The following GEN1 variants were observed in gnomAD, a reference collection of about 807,000 sequenced individuals.
The protein encoded by GEN1 is GEN1 structure-specific endonuclease, also known as flap endonuclease GEN homolog 1.
In GEN1, 64 loss-of-function variants were observed where a neutral mutation model predicts 67.6. The ratio of observed to expected loss-of-function variants is 0.95; its 90% CI spans 0.77 to 1.17. The LOEUF (loss-of-function observed/expected upper bound fraction) is 1.17. Among genes scored for constraint, GEN1 ranks in the 50% most tolerant of loss-of-function variants. The pLI is 0.00. For missense variants in GEN1, 1,058 were observed against 1,048.3 expected, an observed-to-expected ratio of 1.01 and a Z score of -0.13; for synonymous variants, 371 against 359.4, an observed-to-expected ratio of 1.03 and a Z score of -0.37.
chr2:17,760,543 T>A (rs1671626604), intron 2 of GEN1, among the ~76,000 whole-genome samples: 1 of 152,248 alleles, frequency 6.6e-6, no homozygotes, highest in African/African-American at 2.4e-5. Context: ...CCATCTTCAC[T>A]AGTTTCTTGC....
At chr2:17,772,897 TA>T in intron 8 of GEN1, 113 bp downstream of exon 8, 1 of 1,092,560 alleles carries the variant, frequency 9.2e-7, no homozygotes, top group Non-Finnish European at 1.3e-6. Flanking sequence ...CATGTTTAAC[TA>T]AATTTTTTTT....
At chr2:17,773,855 TAA>T (rs1207818024) in intron 10 of GEN1, among the ~76,000 whole-genome samples, 1 of 152,126 alleles carries the variant, frequency 6.6e-6, no homozygotes, top group Non-Finnish European at 1.5e-5. Context: ...GTACCAGCTG[TAA>T]GTAATGACAG....
At chr2:17,779,894 A>G (rs1672744580) in intron 12 of GEN1, 84 bp from the exon 13 acceptor site, 1 of 1,109,134 alleles carries the variant, frequency 9.0e-7, no homozygotes, top group Admixed American at 2.2e-5. Flanking sequence ...TGCTGGGATT[A>G]CAGGTGTGAG....
chr2:17,773,385 G>T, intron 10 of GEN1, 86 bp downstream of exon 10: 1 of 784,556 alleles, frequency 1.3e-6, no homozygotes. Flanking sequence ...GGTCTTAGAG[G>T]AGGTTTAAAA....
In GEN1 at chr2:17,786,233, T is replaced by C. The variant is rs534928072; in HGVS notation, c.*4294T>C. The C allele has an allele frequency of 1.3e-5, 2 of 152,324 alleles. No individual in the cohort carries two copies. Among genetic ancestry groups the C allele is most frequent in the East Asian group, 3.9e-4 (2 of 5,190 alleles). The allele number at this position is 152,324 out of a possible 1,614,324, so 9.4% of individuals were successfully genotyped here. ...TAAATTGTAGCTGTGTCCGATACCA[T>C]CATTTGGAAAGAGCACTATCAGATT... On this transcript the variant is annotated 3_prime_UTR_variant, in exon 14 of 14. Transcript: ENST00000381254.
chr2:17,756,114 T>C (rs900463167), intron 1 of GEN1, among the ~76,000 whole-genome samples: 1 of 152,186 alleles, frequency 6.6e-6, no homozygotes, highest in African/African-American at 2.4e-5. Context: ...AATCTTGTAA[T>C]GCATCTGGTT....
chr2:17,780,832 A>C lies in GEN1; in HGVS notation c.1620A>C (p.Ala540=). ...CTAAAAATACTCCATGTTTGAATGCACAAGAACAGTTCATGTCTTCTCTAA... is the reference window on the plus strand; with the variant it reads ...CTAAAAATACTCCATGTTTGAATGCCCAAGAACAGTTCATGTCTTCTCTAA... ...LLPKNTPCLN[A]QEQFMSSLRP... Residue 540 remains alanine, a synonymous_variant, in exon 14 of 14, where the codon GCA becomes GCC. Transcript: ENST00000381254. The C allele has an allele frequency of 6.2e-7, 1 of 1,614,004 alleles. No individual in the cohort carries two copies. Among genetic ancestry groups the C allele is most frequent in the South Asian group, 1.1e-5 (1 of 91,066 alleles).
intron 3 of GEN1, among the ~76,000 whole-genome samples, chr2:17,764,685 T>C (rs1009565894): frequency 6.6e-6 from 1 of 152,198 alleles, no homozygotes; most frequent in African/African-American, 2.4e-5. Context: ...AATATAATTT[T>C]TATTAGCACA....
At position 17,785,545 on chromosome 2, in the gene GEN1, T is replaced by C. The variant is rs1673029357; in HGVS notation, c.*3606T>C. The C allele has an allele frequency of 6.6e-6, 1 of 151,896 alleles. No individual in the cohort carries two copies. The highest frequency in any genetic ancestry group is 2.4e-5 in the African/African-American group (1 of 41,348). 9.4% of individuals were successfully genotyped at this position (151,896 alleles called of 1,614,324 possible). ...TGCTCTGGCCTAACTGCTTTGGGCT[T>C]TGTGTAATCAATCTTAAGTCCTTGG... On this transcript the variant is annotated 3_prime_UTR_variant, in exon 14 of 14. Coordinates refer to ENST00000381254, the MANE Select transcript of GEN1 (RefSeq NM_001130009.3).
At chr2:17,765,437 G>A (rs556476887) in intron 4 of GEN1, among the ~76,000 whole-genome samples, 1 of 152,330 alleles carries the variant, frequency 6.6e-6, no homozygotes, top group South Asian at 2.1e-4. Flanking sequence ...GTTCAATGTA[G>A]CATTGTTAAT....
chr2:17,781,257 T>TA lies in GEN1; in HGVS notation c.2046dup (p.Ser683IlefsTer6), dbSNP rs1672817167. ...TTAAAGGAACGAATATTTACAAAAT[T>TA]ATCATATCCTCAGGATAATCTACAA... On this transcript the variant is annotated frameshift_variant, in exon 14 of 14. Coordinates refer to ENST00000381254, the MANE Select transcript of GEN1 (RefSeq NM_001130009.3). LOFTEE classifies it low-confidence loss of function (END_TRUNC). 1 of 1,613,482 alleles carries TA rather than the reference T, an allele frequency of 6.2e-7. No individual in the cohort carries two copies.
Position 17,762,129 on chromosome 2 carries a change from TAAG to T in GEN1, c.348+550_348+552del, listed in dbSNP as rs1268545008. On this transcript the variant is annotated intron_variant, in intron 3 of 13. Transcript: ENST00000381254. The stretch of plus-strand genomic sequence containing the variant: ...CTATATTTTATATTTGTATGAAACT[TAAG>T]AAAGAAATCATCTATAGTATATAAT... Among the ~76,000 whole-genome samples, 8 of 151,292 alleles carry T rather than the reference TAAG, an allele frequency of 5.3e-5. No individual in the cohort carries two copies. The East Asian group carries it at 5.8e-4, about 11-fold the overall frequency.
chr2:17,761,517 G>A lies in GEN1; in HGVS notation c.283G>A (p.Gly95Arg). The A allele has an allele frequency of 6.2e-7, 1 of 1,613,130 alleles. No homozygotes were observed. The highest frequency in any genetic ancestry group is 8.5e-7 in the Non-Finnish European group (1 of 1,179,430). Residue 95 changes from glycine (G) to arginine (R), a missense_variant, in exon 3 of 14, where the codon GGG becomes AGG. Coordinates refer to ENST00000381254, the MANE Select transcript of GEN1 (RefSeq NM_001130009.3). ...VISKRNQSRY[G>R]SSGKSWSQKT... ...AAGCAAGAGGAATCAGTCTCGGTAT[G>A]GGTCTTCTGGAAAATCGTGGTCTCA... is the stretch of plus-strand genomic sequence containing the variant.
upstream of GEN1, chr2:17,753,790 G>A (rs1671234989): frequency 1.3e-5 from 2 of 152,232 alleles, no homozygotes; most frequent in South Asian, 4.1e-4. Flanking sequence ...GGGAGCCCCG[G>A]CGCCCACCGC....
chr2:17,774,060 A>C lies in GEN1; in HGVS notation c.1072-211A>C, dbSNP rs188156039. Reference sequence around the variant, plus strand: ...AAGTAAGTTACCCAACATCTAAGAAATATCATCCTGGCGTTCAAACCGAGA... The same window carrying C: ...AAGTAAGTTACCCAACATCTAAGAACTATCATCCTGGCGTTCAAACCGAGA... On this transcript the variant is annotated intron_variant, in intron 10 of 13. Transcript: ENST00000381254. 5.9e-5 allele frequency among the ~76,000 whole-genome samples: 9 copies of C among 152,246 alleles called. No homozygotes were observed. In the East Asian group the frequency reaches 1.7e-3, roughly 29 times the overall value.
chr2:17,784,073 A>T lies in GEN1; in HGVS notation c.*2134A>T, dbSNP rs1397434540. 1 of 152,222 alleles carries T rather than the reference A, an allele frequency of 6.6e-6. No homozygotes were observed. Among genetic ancestry groups the T allele is most frequent in the Non-Finnish European group, 1.5e-5 (1 of 68,028 alleles). The allele number at this position is 152,222 out of a possible 1,614,324, so 9.4% of individuals were successfully genotyped here. A position where few individuals can be genotyped will look rare whatever the true frequency, so the allele number is the denominator to read the frequency against. On this transcript the variant is annotated 3_prime_UTR_variant, in exon 14 of 14. Transcript: ENST00000381254. Reference sequence around the variant, plus strand: ...AAAGACAGCTTACAGAATGGGAGAAAATATTTGCAAATCATAAATGTGATA... The same window carrying T: ...AAAGACAGCTTACAGAATGGGAGAATATATTTGCAAATCATAAATGTGATA...
intron 12 of GEN1, among the ~76,000 whole-genome samples, chr2:17,779,749 G>A (rs746088893): frequency 1.3e-5 from 2 of 151,990 alleles, no homozygotes; most frequent in African/African-American, 4.8e-5. Context: ...TTATAGGCAC[G>A]CACCAGCATG....
At chr2:17,778,448 A>ATG (rs1672660298) in intron 12 of GEN1, among the ~76,000 whole-genome samples, 1 of 75,916 alleles carries the variant, frequency 1.3e-5, no homozygotes, top group African/African-American at 4.9e-5. Flanking sequence ...ACACACATAT[A>ATG]TGTGTGTACA....
rs150598110 is a variant in GEN1 at position 17,788,689 on chromosome 2, G to T, written c.*6750G>T. 6.6e-6 allele frequency: 1 copy of T among 152,262 alleles called. No individual in the cohort carries two copies. The highest frequency in any genetic ancestry group is 1.5e-5 in the Non-Finnish European group (1 of 68,024). The allele number at this position is 152,262 out of a possible 1,614,324, so 9.4% of individuals were successfully genotyped here. ...AATGAAAAGATTCTATAGTGTTTGC[G>T]TCATCATAAGTTAAATCTTCATCTA... On this transcript the variant is annotated 3_prime_UTR_variant, in exon 14 of 14. Transcript: ENST00000381254.
Sources: gnomAD v4.1 joint callset for allele counts (sites outside exome capture counted in the v4.1 genomes callset) on GRCh38, gnomAD v4.1.1 for gene constraint, MANE v1.5 for transcripts, NCBI Gene and HGNC (gene_info 2026-07-23, HGNC 2026-07-21) for gene names.